LCMT1: variants seen among roughly 807,000 people sequenced by gnomAD.
LCMT1 encodes the protein leucine carboxyl methyltransferase 1, also known as [Phosphatase 2A protein]-leucine-carboxy methyltransferase 1.
Under a neutral mutation model 47.7 loss-of-function variants are expected in LCMT1, and 32 were observed. The ratio of observed to expected loss-of-function variants is 0.67; its 90% CI spans 0.51 to 0.90. LCMT1 has a LOEUF of 0.90. Ranked by LOEUF, LCMT1 falls within the 40% of genes least tolerant of loss-of-function variation. The pLI, the probability that LCMT1 is intolerant of heterozygous loss-of-function variation, is 0.00. For missense variants in LCMT1, 375 were observed against 415.2 expected (o/e 0.90, Z 0.84); for synonymous variants, 152 against 149.7 (o/e 1.02, Z -0.11).
At chr16:25,147,824 A>G (rs277917) in intron 4 of LCMT1, 46,802 of 151,994 alleles carry the variant, frequency 0.31, 7,434 homozygotes, top group East Asian at 0.48. Context: ...TGAGTAGCTG[A>G]GACCCCAGGA....
chr16:25,127,726 A>G (rs1960230020), intron 1 of LCMT1, among the ~76,000 whole-genome samples: 1 of 152,152 alleles, frequency 6.6e-6, no homozygotes, highest in Non-Finnish European at 1.5e-5. Context: ...ATCTCACAAA[A>G]TCGATGTTCA....
intron 5 of LCMT1, among the ~76,000 whole-genome samples, chr16:25,153,656 A>G (rs555418256): frequency 6.6e-6 from 1 of 152,138 alleles, no homozygotes; most frequent in Non-Finnish European, 1.5e-5. Flanking sequence ...GATTTAAAAA[A>G]TTTTCTACCA....
In LCMT1 at chr16:25,175,055, T is replaced by G. The variant is rs775613824; in HGVS notation, c.982+21T>G. ...GCTTGGTGCGTGATTGTACTTTTCT[T>G]GCCTTGACCTGGAAATAGTGAACTT... On this transcript the variant is annotated intron_variant, in intron 10 of 10. Transcript: ENST00000399069. 7.4e-6 allele frequency: 10 copies of G among 1,353,672 alleles called. No homozygotes were observed. In the South Asian group the frequency reaches 1.2e-4, roughly 17 times the overall value. 83.9% of individuals were successfully genotyped at this position (1,353,672 alleles called of 1,614,324 possible). A position where few individuals can be genotyped will look rare whatever the true frequency, so the allele number is the denominator to read the frequency against.
chr16:25,119,509 G>A (rs1448233162), intron 1 of LCMT1, among the ~76,000 whole-genome samples: 1 of 152,018 alleles, frequency 6.6e-6, no homozygotes, highest in South Asian at 2.1e-4. Flanking sequence ...AGGTCTTAAC[G>A]TTCTGGTTTT....
chr16:25,123,223 C>CTTTTTTTTTTTT (rs750991801), intron 1 of LCMT1, among the ~76,000 whole-genome samples: 1 of 116,186 alleles, frequency 8.6e-6, no homozygotes, highest in African/African-American at 3.3e-5. Flanking sequence ...TATATAACTT[C>CTTTTTTTTTTTT]TTTTTTTTTT....
chr16:25,123,904 C>T (rs910671174), intron 1 of LCMT1, among the ~76,000 whole-genome samples: 6 of 152,142 alleles, frequency 3.9e-5, no homozygotes, highest in Admixed American at 6.6e-5. Context: ...CCACTACACC[C>T]GGCCTAATTT....
chr16:25,133,973 A>G (rs1187583283), intron 3 of LCMT1, among the ~76,000 whole-genome samples: 2 of 150,546 alleles, frequency 1.3e-5, no homozygotes, highest in Non-Finnish European at 3.0e-5. Flanking sequence ...TTGTGGTTGC[A>G]GTGAGTCGAG....
chr16:25,166,490 C>A (rs544360663), intron 7 of LCMT1, among the ~76,000 whole-genome samples: 31 of 152,206 alleles, frequency 2.0e-4, no homozygotes, highest in African/African-American at 7.2e-4. Context: ...GCAGCCTCGA[C>A]CGCGGGCTCA....
intron 8 of LCMT1, 184 bp downstream of exon 8, chr16:25,169,397 C>T: frequency 5.5e-6 from 3 of 541,350 alleles, no homozygotes; most frequent in Admixed American, 3.1e-5. Flanking sequence ...GCTTCACCAT[C>T]ACATTTCCTA....
At chr16:25,145,074 C>G (rs1255248333) in intron 4 of LCMT1, 1 of 152,188 alleles carries the variant, frequency 6.6e-6, no homozygotes, top group Non-Finnish European at 1.5e-5. Context: ...TACAGAAGCC[C>G]ACCATTCCCA....
intron 2 of LCMT1, among the ~76,000 whole-genome samples, chr16:25,130,293 T>C (rs1960311714): frequency 7.1e-6 from 1 of 140,268 alleles, no homozygotes; most frequent in Non-Finnish European, 1.5e-5. Context: ...TGAGCCGAGA[T>C]CACGCCACTG....
At chr16:25,133,778 A>G (rs894072180) in intron 3 of LCMT1, among the ~76,000 whole-genome samples, 2 of 151,266 alleles carry the variant, frequency 1.3e-5, no homozygotes, top group East Asian at 2.0e-4. Flanking sequence ...TCACACTTGT[A>G]ATCCCAGCAC....
At chr16:25,112,286 G>A (rs1450597311) in intron 1 of LCMT1, among the ~76,000 whole-genome samples, 2 of 152,206 alleles carry the variant, frequency 1.3e-5, no homozygotes, top group Non-Finnish European at 1.5e-5. Flanking sequence ...AAACGCTGCT[G>A]GAAAGACAGA....
At chr16:25,148,359 C>G (rs576560888) in intron 4 of LCMT1, 1 of 152,236 alleles carries the variant, frequency 6.6e-6, no homozygotes, top group African/African-American at 2.4e-5. Context: ...CAATTCTCCC[C>G]GCATAAAGGC....
chr16:25,128,933 C>A (rs567402718), intron 2 of LCMT1, among the ~76,000 whole-genome samples: 206 of 142,692 alleles, frequency 1.4e-3, no homozygotes, highest in African/African-American at 5.1e-3. Context: ...GGAGGGAGAG[C>A]ATTAGGATAA....
chr16:25,124,509 A>G (rs924757227), intron 1 of LCMT1, among the ~76,000 whole-genome samples: 1 of 152,146 alleles, frequency 6.6e-6, no homozygotes, highest in Non-Finnish European at 1.5e-5. Flanking sequence ...GGGGGTTCCT[A>G]TTTGTATGTA....
In LCMT1 at chr16:25,168,406, G is replaced by C. The variant is rs564181752; in HGVS notation, c.691-706G>C. Among the ~76,000 whole-genome samples the C allele has an allele frequency of 1.2e-4, 19 of 152,276 alleles. No individual in the cohort carries two copies. In the South Asian group the frequency reaches 2.9e-3, roughly 23 times the overall value. Reference sequence around the variant, plus strand: ...TACTACAATGGTGTACACTAATATTGTTTCCTGGCCTTTTTCATATATAAT... The same window carrying C: ...TACTACAATGGTGTACACTAATATTCTTTCCTGGCCTTTTTCATATATAAT... On this transcript the variant is annotated intron_variant, in intron 7 of 10. Coordinates refer to ENST00000399069, the MANE Select transcript of LCMT1 (RefSeq NM_016309.3).
At chr16:25,130,904 C>T (rs1177264113) in intron 2 of LCMT1, among the ~76,000 whole-genome samples, 1 of 152,174 alleles carries the variant, frequency 6.6e-6, no homozygotes, top group African/African-American at 2.4e-5. Flanking sequence ...TTTCTCTTTC[C>T]CAGACAGCAG....
chr16:25,121,432 A>C (rs1410738397), intron 1 of LCMT1, among the ~76,000 whole-genome samples: 1 of 152,130 alleles, frequency 6.6e-6, no homozygotes, highest in Non-Finnish European at 1.5e-5. Context: ...AAAGATATCA[A>C]TTTCAAATTA....
Sources: allele counts gnomAD v4.1 joint callset (sites outside exome capture counted in the v4.1 genomes callset), GRCh38; gene constraint gnomAD v4.1.1; transcripts MANE v1.5; gene names NCBI Gene and HGNC (gene_info 2026-07-23, HGNC 2026-07-21).